Variants in LHX8 observed in about 807,000 individuals in gnomAD.
LHX8 encodes LIM homeobox 8, also known as LIM/homeobox protein Lhx8.
In LHX8, 12 loss-of-function variants were observed where a neutral mutation model predicts 40.3. The observed-to-expected ratio is 0.30, with a 90% CI of 0.19 to 0.48. LHX8 has a LOEUF of 0.48. Ranked by LOEUF, LHX8 falls within the 20% of genes least tolerant of loss-of-function variation. The pLI is 0.99. For missense variants in LHX8, 344 were observed against 433.7 expected (o/e 0.79, Z 1.84); for synonymous variants, 179 against 162.0 (o/e 1.10, Z -0.80).
chr1:75,148,774 C>G, intron 7 of LHX8, 92 bp downstream of exon 7: 1 of 868,044 alleles, frequency 1.2e-6, no homozygotes, highest in Non-Finnish European at 1.9e-6. Context: ...AACTCTTGAG[C>G]TTAAGTGATT....
intron 7 of LHX8, among the ~76,000 whole-genome samples, chr1:75,153,374 G>A (rs1648664424): frequency 6.6e-6 from 1 of 151,790 alleles, no homozygotes. Flanking sequence ...AAAGTGCTGG[G>A]ATTACAGGAG....
At chr1:75,171,131 C>T in the LHX8 span, among the ~76,000 whole-genome samples, 1 of 151,974 alleles carries the variant, frequency 6.6e-6, no homozygotes, top group Non-Finnish European at 1.5e-5. Flanking sequence ...CTTAACCAGC[C>T]CTGGCAGGTC....
At chr1:75,157,452 T>C (rs1214706943) in intron 8 of LHX8, among the ~76,000 whole-genome samples, 2 of 152,236 alleles carry the variant, frequency 1.3e-5, no homozygotes. Flanking sequence ...GAGTTGTTTT[T>C]TATAGAAGAA....
At chr1:75,189,744 C>G in the LHX8 span, among the ~76,000 whole-genome samples, 8 of 152,108 alleles carry the variant, frequency 5.3e-5, no homozygotes, top group African/African-American at 1.9e-4. Context: ...GTCTATCAAT[C>G]AGGAAAAAGA....
chr1:75,172,519 ATG>A, the LHX8 span, among the ~76,000 whole-genome samples: 1 of 152,306 alleles, frequency 6.6e-6, no homozygotes, highest in East Asian at 1.9e-4. Context: ...CCCAAACCTT[ATG>A]TGTTTCATTT....
upstream of LHX8, chr1:75,130,264 GGAGAGC>G (rs1647927868): frequency 4.9e-6 from 1 of 202,666 alleles, no homozygotes; most frequent in Non-Finnish European, 1.0e-5. Flanking sequence ...TAGCGGACCG[GGAGAGC>G]TTACTGGCGC....
chr1:75,156,780 G>A (rs192754858), intron 7 of LHX8, 113 bp from the exon 8 acceptor site: 60 of 921,720 alleles, frequency 6.5e-5, no homozygotes, highest in African/African-American at 3.9e-4. Flanking sequence ...ACATTTATGC[G>A]GTGCTTGTGT....
In LHX8 at chr1:75,134,779, GT is replaced by G. The variant is rs1285838974; in HGVS notation, c.-186del. The G allele has an allele frequency of 3.6e-6, 1 of 276,288 alleles. No homozygotes were observed. The highest frequency in any genetic ancestry group is 5.5e-6 in the Non-Finnish European group (1 of 181,552). The allele number at this position is 276,288 out of a possible 1,614,324, so 17.1% of individuals were successfully genotyped here. On this transcript the variant is annotated 5_prime_UTR_variant, in exon 1 of 9. Coordinates refer to ENST00000356261, the MANE Select transcript of LHX8 (RefSeq NM_001256114.2). ...CGAGTTGTTTGGGCTCCTAAACAAG[GT>G]TCAGAAACTACCTGTAACGGCCTCA...
At chr1:75,145,231 T>C (rs2100343752) in intron 6 of LHX8, among the ~76,000 whole-genome samples, 1 of 152,268 alleles carries the variant, frequency 6.6e-6, no homozygotes, top group South Asian at 2.1e-4. Context: ...CACAATGCCC[T>C]GTCAGAAGAT....
the LHX8 span, among the ~76,000 whole-genome samples, chr1:75,196,345 T>C: frequency 9.9e-5 from 15 of 152,274 alleles, no homozygotes; most frequent in Admixed American, 7.2e-4. Context: ...ATAGTCTGAA[T>C]CAAGCATCAA....
At chr1:75,198,116 C>T in the LHX8 span, among the ~76,000 whole-genome samples, 1 of 152,260 alleles carries the variant, frequency 6.6e-6, no homozygotes, top group South Asian at 2.1e-4. Context: ...CTCTTGGGTA[C>T]TCCGAAAGAG....
intron 4 of LHX8, among the ~76,000 whole-genome samples, chr1:75,141,811 ATTTTC>A (rs1202298016): frequency 1.3e-5 from 2 of 152,144 alleles, no homozygotes; most frequent in South Asian, 4.1e-4. Flanking sequence ...ATTACAACAT[ATTTTC>A]TTTATTTACT....
intron 7 of LHX8, 59 bp downstream of exon 7, chr1:75,148,741 C>A (rs1437445006): frequency 2.6e-6 from 3 of 1,170,882 alleles, no homozygotes; most frequent in East Asian, 2.5e-5. Context: ...TTGGGTCTCC[C>A]TATGTTGCCC....
downstream of LHX8, among the ~76,000 whole-genome samples, chr1:75,163,806 G>T (rs144442611): frequency 1.3e-5 from 2 of 152,298 alleles, no homozygotes; most frequent in Non-Finnish European, 2.9e-5. Context: ...GTATTAAGAG[G>T]TAGGGCTTTT....
At chr1:75,157,179 G>C (rs1042691463) in intron 8 of LHX8, 103 bp downstream of exon 8, 2 of 1,294,194 alleles carry the variant, frequency 1.5e-6, no homozygotes, top group Admixed American at 3.7e-5. Context: ...TATTACCTCA[G>C]TAGTAGCTGA....
chr1:75,169,105 G>C, the LHX8 span, among the ~76,000 whole-genome samples: 45 of 151,960 alleles, frequency 3.0e-4, no homozygotes, highest in Admixed American at 3.0e-3. Context: ...ACTTTTCATG[G>C]GGTGGCCACT....
upstream of LHX8, among the ~76,000 whole-genome samples, chr1:75,133,633 A>G (rs1648031242): frequency 6.6e-6 from 1 of 152,210 alleles, no homozygotes; most frequent in Non-Finnish European, 1.5e-5. Context: ...TAAAGTTTAT[A>G]CCACAAAGAG....
Position 75,137,230 on chromosome 1 carries a change from G to C in LHX8, c.206G>C (p.Gly69Ala). The change falls in exon 3 of 9, where the codon GGC (glycine) becomes GCC (alanine). Residue 69 changes from glycine (G) to alanine (A), a missense_variant. Physicochemically the swap from Gly to Ala is moderately conservative, Grantham distance 60. This residue lies in a region of LHX8 where 147 missense variants were observed against 250.8 expected (regional missense o/e 0.59). Coordinates refer to ENST00000356261, the MANE Select transcript of LHX8 (RefSeq NM_001256114.2). ...PPGKCVCNSC[G>A]LEIVDKYLLK... ...GGCAAGTGTGTGTGCAACAGTTGCG[G>C]CCTGGAGATCGTGGACAAATACCTT... 6.2e-7 allele frequency: 1 copy of C among 1,613,696 alleles called. No homozygotes were observed. Among genetic ancestry groups the C allele is most frequent in the Non-Finnish European group, 8.5e-7 (1 of 1,180,004 alleles).
At chr1:75,193,982 C>A in the LHX8 span, among the ~76,000 whole-genome samples, 70 of 152,062 alleles carry the variant, frequency 4.6e-4, no homozygotes, top group Admixed American at 1.7e-3. Flanking sequence ...TACATCTGAC[C>A]CCTCTCCCAT....
Sources: allele counts gnomAD v4.1 joint callset (sites outside exome capture counted in the v4.1 genomes callset), GRCh38; gene constraint gnomAD v4.1.1; regional missense constraint gnomAD v4.1.1; transcripts MANE v1.5; gene names NCBI Gene and HGNC (gene_info 2026-07-23, HGNC 2026-07-21).